Variants in IGF2BP2 observed in about 807,000 individuals in gnomAD.
IGF2BP2 encodes the protein insulin like growth factor 2 mRNA binding protein 2, also known as insulin-like growth factor 2 mRNA-binding protein 2.
A neutral mutation model predicts 75.8 loss-of-function variants in IGF2BP2; 17 were observed. The observed-to-expected ratio is 0.22, with a 90% CI of 0.15 to 0.34. The LOEUF (loss-of-function observed/expected upper bound fraction) is 0.34. Among genes scored for constraint, IGF2BP2 ranks in the 10% least tolerant of loss-of-function variants. The pLI is 1.00. For synonymous variants in IGF2BP2, 288 were observed against 295.6 expected, an observed-to-expected ratio of 0.97 and a Z score of 0.26; for missense variants, 516 against 772.4, an observed-to-expected ratio of 0.67 and a Z score of 3.93.
chr3:185,709,278 T>C lies in IGF2BP2; in HGVS notation c.240-10931A>G, dbSNP rs150999451. 2.0e-5 allele frequency among the ~76,000 whole-genome samples: 3 copies of C among 152,344 alleles called. No individual in the cohort carries two copies. The East Asian group carries it at 5.8e-4, about 29-fold the overall frequency. On this transcript the variant is annotated intron_variant, in intron 2 of 15. Coordinates refer to ENST00000382199, the MANE Select transcript of IGF2BP2 (RefSeq NM_006548.6). ...ATCTTGTCAATTAGTTTCCAAAAAATTGTTCTCTTTGGTTCTCCAAACAGC... is the reference window on the plus strand; with the variant it reads ...ATCTTGTCAATTAGTTTCCAAAAAACTGTTCTCTTTGGTTCTCCAAACAGC...
intron 2 of IGF2BP2, among the ~76,000 whole-genome samples, chr3:185,762,806 AT>A (rs1732559002): frequency 6.6e-6 from 1 of 152,170 alleles, no homozygotes; most frequent in Admixed American, 6.5e-5. Flanking sequence ...AAATGGATGA[AT>A]TTTATCCAAG....
Position 185,669,407 on chromosome 3 carries a change from G to C in IGF2BP2, c.1200+3134C>G, listed in dbSNP as rs1577897598. On this transcript the variant is annotated intron_variant, in intron 10 of 15. Coordinates refer to ENST00000382199, the MANE Select transcript of IGF2BP2 (RefSeq NM_006548.6). ...TACACAGAAACACTGGTTATATCTA[G>C]GTTAAGGAAAAACTTGCACGTTCTG... 3.3e-5 allele frequency among the ~76,000 whole-genome samples: 5 copies of C among 152,004 alleles called. No individual in the cohort carries two copies. In the South Asian group the frequency reaches 1.0e-3, roughly 32 times the overall value.
At chr3:185,766,814 C>T (rs995684022) in intron 2 of IGF2BP2, among the ~76,000 whole-genome samples, 1 of 152,128 alleles carries the variant, frequency 6.6e-6, no homozygotes, top group South Asian at 2.1e-4. Flanking sequence ...GAGATGAGAT[C>T]GCAAGTTTGA....
chr3:185,696,595 G>A lies in IGF2BP2; in HGVS notation c.340+17C>T. On this transcript the variant is annotated intron_variant, in intron 4 of 15. Coordinates refer to ENST00000382199, the MANE Select transcript of IGF2BP2 (RefSeq NM_006548.6). ...AATATCTCTCTCCAAAACCCAAAAG[G>A]CTTCCTCACTTATTACCTTGTTCCA... The A allele has an allele frequency of 2.5e-6, 4 of 1,610,654 alleles. No individual in the cohort carries two copies. The highest frequency in any genetic ancestry group is 3.4e-6 in the Non-Finnish European group (4 of 1,177,260).
rs1714174148 is a variant in IGF2BP2 at position 185,649,388 on chromosome 3, C to T, written c.1593+15G>A. ...ATCTGACCCAGGTGATGAAGCGAGC[C>T]CGGAGCACACTTACGGTCTTGCCAC... On this transcript the variant is annotated intron_variant, in intron 14 of 15. Transcript: ENST00000382199. 1.2e-6 allele frequency: 2 copies of T among 1,612,008 alleles called. No individual in the cohort carries two copies. Among genetic ancestry groups the T allele is most frequent in the Non-Finnish European group, 1.7e-6 (2 of 1,179,618 alleles).
At position 185,823,221 on chromosome 3, in the gene IGF2BP2, A is replaced by ACAGAAATTAAAG; in HGVS notation, c.179-20_179-9dup. On this transcript the variant is annotated splice_polypyrimidine_tract_variant and intron_variant, in intron 1 of 15. Coordinates refer to ENST00000382199, the MANE Select transcript of IGF2BP2 (RefSeq NM_006548.6). ...CATGCAATTCCACTTTACCTTTAAA[A>ACAGAAATTAAAG]CAGAAATTAAAGCACTCAGAACCTT... The ACAGAAATTAAAG allele has an allele frequency of 1.2e-6, 2 of 1,606,246 alleles. No homozygotes were observed. The highest frequency in any genetic ancestry group is 4.5e-5 in the East Asian group (2 of 44,628).
At position 185,649,392 on chromosome 3, in the gene IGF2BP2, A is replaced by G; in HGVS notation, c.1593+11T>C. 6.2e-7 allele frequency: 1 copy of G among 1,612,466 alleles called. No homozygotes were observed. On this transcript the variant is annotated intron_variant, in intron 14 of 15. Transcript: ENST00000382199. ...GACCCAGGTGATGAAGCGAGCCCGG[A>G]GCACACTTACGGTCTTGCCACCTTT...
chr3:185,712,859 T>C (rs1435136138), intron 2 of IGF2BP2, among the ~76,000 whole-genome samples: 3 of 152,126 alleles, frequency 2.0e-5, no homozygotes, highest in Non-Finnish European at 4.4e-5. Flanking sequence ...CAAAAAACAA[T>C]GGGTTTGTGA....
intron 2 of IGF2BP2, among the ~76,000 whole-genome samples, chr3:185,818,277 G>GA (rs1740868474): frequency 6.6e-6 from 1 of 152,126 alleles, no homozygotes; most frequent in Non-Finnish European, 1.5e-5. Context: ...TGTGACAGGG[G>GA]ATAGCCAAGT....
At chr3:185,747,215 C>T (rs188961307) in intron 2 of IGF2BP2, among the ~76,000 whole-genome samples, 1 of 152,236 alleles carries the variant, frequency 6.6e-6, no homozygotes, top group Admixed American at 6.5e-5. Context: ...CGTTTTACTG[C>T]TATGAAGAAA....
chr3:185,664,536 T>C (rs192259182), intron 10 of IGF2BP2, among the ~76,000 whole-genome samples: 116 of 152,232 alleles, frequency 7.6e-4, no homozygotes, highest in Non-Finnish European at 1.3e-3. Flanking sequence ...TTTACAAAAT[T>C]GTGATTTGAT....
intron 2 of IGF2BP2, among the ~76,000 whole-genome samples, chr3:185,814,780 T>C (rs1413633708): frequency 6.6e-6 from 1 of 152,130 alleles, no homozygotes; most frequent in Non-Finnish European, 1.5e-5. Context: ...AGTAACAAAA[T>C]GCATGAGATA....
chr3:185,690,982 G>C (rs6770227), intron 5 of IGF2BP2, among the ~76,000 whole-genome samples: 126,142 of 152,182 alleles, frequency 0.83, 53,103 homozygotes, highest in East Asian at 1. Flanking sequence ...ATATCATGTA[G>C]AGAGGTCCAC....
intron 2 of IGF2BP2, among the ~76,000 whole-genome samples, chr3:185,806,496 T>C (rs1288297426): frequency 2.0e-5 from 3 of 152,190 alleles, no homozygotes. Context: ...CACATAACTA[T>C]CATGTTATCA....
At chr3:185,679,888 T>C (rs1720121483) in intron 7 of IGF2BP2, among the ~76,000 whole-genome samples, 1 of 152,200 alleles carries the variant, frequency 6.6e-6, no homozygotes, top group South Asian at 2.1e-4. Flanking sequence ...TGTTGGGATT[T>C]ATAGGCATGA....
chr3:185,770,804 G>A (rs193199484), intron 2 of IGF2BP2, among the ~76,000 whole-genome samples: 3 of 152,298 alleles, frequency 2.0e-5, no homozygotes, highest in Admixed American at 2.0e-4. Context: ...AGGCTGGAGT[G>A]CAGTGGCACA....
rs1560313856 is a variant in IGF2BP2 at position 185,698,326 on chromosome 3, T to G, written c.261A>C (p.Arg87=). 8 of 1,614,134 alleles carry G rather than the reference T, an allele frequency of 5.0e-6. No individual in the cohort carries two copies. Among genetic ancestry groups the G allele is most frequent in the Non-Finnish European group, 5.9e-6 (7 of 1,180,000 alleles). ...CCCACTGCAGGTGAGGAGGGATGTTTCGAATCTGAATTTTCCTGCTCCTGT... is the reference window on the plus strand; with the variant it reads ...CCCACTGCAGGTGAGGAGGGATGTTGCGAATCTGAATTTTCCTGCTCCTGT... ...KKLRSRKIQI[R]NIPPHLQWEV... is the part of the protein sequence containing the mutation. The change falls in exon 3 of 16, where the codon CGA becomes CGC. Residue 87 remains arginine, a synonymous_variant. Transcript: ENST00000382199.
At chr3:185,719,278 A>T (rs1726137487) in intron 2 of IGF2BP2, among the ~76,000 whole-genome samples, 1 of 152,192 alleles carries the variant, frequency 6.6e-6, no homozygotes, top group Non-Finnish European at 1.5e-5. Flanking sequence ...GGGGCATGAC[A>T]AAGCTCTACA....
rs141108614 is a variant in IGF2BP2 at position 185,743,681 on chromosome 3, G to A, written c.240-45334C>T. On this transcript the variant is annotated intron_variant, in intron 2 of 15. Coordinates refer to ENST00000382199, the MANE Select transcript of IGF2BP2 (RefSeq NM_006548.6). ...AATTAAACAGCTGGCTTTAGTTATAGTATCAGATAAAATTATTAAATTATG... is the reference window on the plus strand; with the variant it reads ...AATTAAACAGCTGGCTTTAGTTATAATATCAGATAAAATTATTAAATTATG... Among the ~76,000 whole-genome samples the A allele has an allele frequency of 4.5e-3, 686 of 152,294 alleles. 9 individuals carry two copies. The highest frequency in any genetic ancestry group is 8.1e-3 in the South Asian group (39 of 4,820).
Sources: allele counts gnomAD v4.1 joint callset (sites outside exome capture counted in the v4.1 genomes callset), GRCh38; gene constraint gnomAD v4.1.1; transcripts MANE v1.5; gene names NCBI Gene and HGNC (gene_info 2026-07-23, HGNC 2026-07-21).